Variants in DMRT1 observed in about 807,000 individuals in gnomAD.
The protein encoded by DMRT1 is doublesex and mab-3 related transcription factor 1.
DMRT1 carries 7 observed loss-of-function variants against 32.3 expected under a neutral mutation model. That is an observed-to-expected ratio of 0.22 (90% confidence interval 0.12 to 0.41). The LOEUF (loss-of-function observed/expected upper bound fraction) is 0.41, where lower values mean the gene tolerates loss of function less well. Among genes scored for constraint, DMRT1 ranks in the 10% least tolerant of loss-of-function variants. The pLI, the probability that DMRT1 is intolerant of heterozygous loss-of-function variation, is 1.00. For synonymous variants in DMRT1, 278 were observed against 206.1 expected (o/e 1.35, Z -2.99); for missense variants, 625 against 500.5 (o/e 1.25, Z -2.37).
At chr9:883,856 A>G (rs985191685) in intron 2 of DMRT1, among the ~76,000 whole-genome samples, 4 of 152,026 alleles carry the variant, frequency 2.6e-5, no homozygotes, top group African/African-American at 9.7e-5. Context: ...GCTCAACACA[A>G]AGTATTAGTT....
chr9:911,291 C>G (rs930733182), intron 3 of DMRT1, among the ~76,000 whole-genome samples: 41 of 152,072 alleles, frequency 2.7e-4, no homozygotes, highest in African/African-American at 8.9e-4. Context: ...GAGGATCAGA[C>G]TGCCCCTAGT....
intron 3 of DMRT1, among the ~76,000 whole-genome samples, chr9:916,201 C>G (rs1818175395): frequency 6.6e-6 from 1 of 152,162 alleles, no homozygotes; most frequent in Non-Finnish European, 1.5e-5. Flanking sequence ...CCACCCTGTT[C>G]TCTTTTGTAC....
chr9:902,341 C>T (rs947868485), intron 3 of DMRT1, among the ~76,000 whole-genome samples: 1 of 151,822 alleles, frequency 6.6e-6, no homozygotes, highest in African/African-American at 2.4e-5. Context: ...TCCTCCTCCA[C>T]CTTTCTTTTT....
At chr9:951,160 G>C (rs1819415402) in intron 4 of DMRT1, among the ~76,000 whole-genome samples, 2 of 152,074 alleles carry the variant, frequency 1.3e-5, no homozygotes, top group Admixed American at 6.5e-5. Flanking sequence ...TGAAGCACTA[G>C]ACAACATGAG....
At chr9:962,705 G>A (rs1347969459) in intron 4 of DMRT1, among the ~76,000 whole-genome samples, 4 of 152,086 alleles carry the variant, frequency 2.6e-5, no homozygotes, top group Non-Finnish European at 4.4e-5. Context: ...GGCTGAATGC[G>A]CCCCTTCTTT....
intron 1 of DMRT1, among the ~76,000 whole-genome samples, chr9:846,031 CTT>C (rs370176937): frequency 0.024 from 3,241 of 132,860 alleles, 106 homozygotes; most frequent in African/African-American, 0.084. Flanking sequence ...CTGTTTTTGC[CTT>C]TTTTTTTTTT....
At chr9:893,056 G>T (rs949686715) in intron 2 of DMRT1, among the ~76,000 whole-genome samples, 1 of 151,640 alleles carries the variant, frequency 6.6e-6, no homozygotes, top group African/African-American at 2.4e-5. Flanking sequence ...AAGTTTATGG[G>T]TCTTCCTGTA....
chr9:953,499 GC>G (rs140845749), intron 4 of DMRT1, among the ~76,000 whole-genome samples: 3 of 152,150 alleles, frequency 2.0e-5, no homozygotes, highest in Non-Finnish European at 4.4e-5. Flanking sequence ...AAAGGCCTCT[GC>G]CCCCCCGACC....
At chr9:894,585 C>T (rs1045976477) in intron 3 of DMRT1, 8 of 307,120 alleles carry the variant, frequency 2.6e-5, no homozygotes, top group Non-Finnish European at 3.8e-5. Context: ...GCTTTGTCCC[C>T]ACTTTCGTTG....
At chr9:929,499 T>C (rs1818637193) in intron 4 of DMRT1, among the ~76,000 whole-genome samples, 1 of 152,120 alleles carries the variant, frequency 6.6e-6, no homozygotes, top group Non-Finnish European at 1.5e-5. Context: ...GGTGAAAAGT[T>C]TCTGGATTGT....
intron 4 of DMRT1, among the ~76,000 whole-genome samples, chr9:925,048 G>A (rs995135638): frequency 3.3e-5 from 5 of 152,158 alleles, no homozygotes; most frequent in African/African-American, 1.2e-4. Context: ...AGACTTCCCA[G>A]GGGCCTACCT....
At chr9:892,661 G>A (rs56314823) in intron 2 of DMRT1, among the ~76,000 whole-genome samples, 8,484 of 152,150 alleles carry the variant, frequency 0.056, 436 homozygotes, top group African/African-American at 0.14. Flanking sequence ...GCCCTAAGCA[G>A]TTGCCCTTAG....
intron 2 of DMRT1, among the ~76,000 whole-genome samples, chr9:879,203 C>G (rs752644291): frequency 9.9e-5 from 15 of 152,048 alleles, no homozygotes; most frequent in Non-Finnish European, 2.2e-4. Flanking sequence ...TGCAGAATCT[C>G]TCTACAACCT....
In DMRT1 at chr9:965,703, C is replaced by G. The variant is rs527933460; in HGVS notation, c.968-2282C>G. 2.0e-5 allele frequency among the ~76,000 whole-genome samples: 3 copies of G among 152,288 alleles called. No individual in the cohort carries two copies. Among genetic ancestry groups the G allele is most frequent in the Middle Eastern group, 3.4e-3 (1 of 294 alleles). On this transcript the variant is annotated intron_variant, in intron 4 of 4. Transcript: ENST00000382276. The surrounding 1 kb of genome is among the most constrained non-coding windows in gnomAD (Gnocchi z 4.5). ...TTTACAAGCCTCTGCATCAGCTTGG[C>G]AAAGGTCCGTTGCTTTGCCTCCTTA...
At chr9:868,178 C>G (rs2132599486) in intron 2 of DMRT1, among the ~76,000 whole-genome samples, 1 of 152,272 alleles carries the variant, frequency 6.6e-6, no homozygotes, top group East Asian at 1.9e-4. Context: ...GGGGTTTTAC[C>G]ATGTTGCCCA....
intron 4 of DMRT1, among the ~76,000 whole-genome samples, chr9:950,843 TTCTG>T (rs1379762810): frequency 6.6e-6 from 1 of 152,320 alleles, no homozygotes; most frequent in Admixed American, 6.5e-5. Flanking sequence ...TATTCTTGCT[TTCTG>T]TCTTTTTCTA....
At chr9:874,381 C>A (rs971898494) in intron 2 of DMRT1, among the ~76,000 whole-genome samples, 9 of 152,264 alleles carry the variant, frequency 5.9e-5, no homozygotes, top group East Asian at 1.9e-4. Context: ...GTATCTAGAT[C>A]TAGTTCTTGC....
At chr9:957,963 T>G (rs1819652358) in intron 4 of DMRT1, among the ~76,000 whole-genome samples, 1 of 152,202 alleles carries the variant, frequency 6.6e-6, no homozygotes, top group South Asian at 2.1e-4. Flanking sequence ...GATTGGAGAT[T>G]GTGCCACTGC....
intron 4 of DMRT1, among the ~76,000 whole-genome samples, chr9:929,532 CAT>C (rs1408831228): frequency 6.6e-6 from 1 of 152,024 alleles, no homozygotes; most frequent in African/African-American, 2.4e-5. Context: ...AACATATTAA[CAT>C]ATTATTTCTC....
Sources: gnomAD v4.1 joint callset for allele counts (sites outside exome capture counted in the v4.1 genomes callset) on GRCh38, gnomAD v4.1.1 for gene constraint, Gnocchi (gnomAD v3.1) non-coding constraint, MANE v1.5 for transcripts, NCBI Gene and HGNC (gene_info 2026-07-23, HGNC 2026-07-21) for gene names.